AHRR: variants seen among roughly 807,000 people sequenced by gnomAD.
The protein encoded by AHRR is ahR repressor.
In AHRR, 28 loss-of-function variants were observed where a neutral mutation model predicts 44.0. The ratio of observed to expected loss-of-function variants is 0.64; its 90% confidence interval spans 0.47 to 0.87. The LOEUF is 0.87. Among genes scored for constraint, AHRR ranks in the 40% least tolerant of loss-of-function variants. AHRR has a pLI of 0.00. For missense variants in AHRR, 990 were observed against 953.9 expected (o/e 1.04, Z -0.50); for synonymous variants, 434 against 407.0 (o/e 1.07, Z -0.80).
intron 1 of AHRR, 71 bp from the exon 2 acceptor site, chr5:343,822 C>A: frequency 1.3e-6 from 2 of 1,499,170 alleles, no homozygotes; most frequent in African/African-American, 1.4e-5. Flanking sequence ...CGCTGAGGGG[C>A]CCGGGGCATC....
intron 2 of AHRR, among the ~76,000 whole-genome samples, chr5:352,761 G>A (rs1326576558): frequency 1.3e-5 from 2 of 151,188 alleles, no homozygotes; most frequent in Non-Finnish European, 3.0e-5. Flanking sequence ...TCAGCTGTAG[G>A]GGATGGTCAC....
chr5:422,476 T>C, intron 5 of AHRR: 1 of 513,112 alleles, frequency 1.9e-6, no homozygotes, highest in Non-Finnish European at 3.5e-6. Context: ...AGCCTCCCGC[T>C]TGCCCCGAAA....
rs550769149 is a variant in AHRR, at chr5:430,345, C to T, written c.909-2118C>T. Among the ~76,000 whole-genome samples, 5 of 152,336 alleles carry T rather than the reference C, an allele frequency of 3.3e-5. No individual in the cohort carries two copies. In the South Asian group the frequency reaches 8.3e-4, roughly 25 times the overall value. ...GCAGCACATCTTCTGTATTCACACC[C>T]GTGCCCTCCGTGGGAGCACCAGGAC... On this transcript the variant is annotated intron_variant, in intron 8 of 10. Transcript: ENST00000684583.
At chr5:361,101 T>C (rs975725180) in intron 3 of AHRR, among the ~76,000 whole-genome samples, 3 of 151,954 alleles carry the variant, frequency 2.0e-5, no homozygotes, top group Non-Finnish European at 4.4e-5. Context: ...ATATAAAAAT[T>C]AGCCAGGCAT....
intron 10 of AHRR, 131 bp from the exon 11 acceptor site, chr5:433,722 G>T: frequency 9.2e-7 from 1 of 1,087,736 alleles, no homozygotes. Context: ...GCGCAGTGAG[G>T]GGTCGGTGTA....
At position 404,838 on chromosome 5, in the gene AHRR, A is replaced by G. The variant is rs1295366960; in HGVS notation, c.352-8506A>G. ...TGGTGAGATGATTATCCAGCTTGCT[A>G]ATCTGCCAGCGGGCACCACCTGCCA... On this transcript the variant is annotated intron_variant, in intron 4 of 10. Coordinates refer to ENST00000684583, the MANE Select transcript of AHRR (RefSeq NM_001377236.1). The surrounding 1 kb of genome is among the most constrained non-coding windows in gnomAD (Gnocchi z 4.1). Among the ~76,000 whole-genome samples, 3 of 152,186 alleles carry G rather than the reference A, an allele frequency of 2.0e-5. No homozygotes were observed. The highest frequency in any genetic ancestry group is 2.4e-5 in the African/African-American group (1 of 41,454).
At chr5:353,951 G>C (rs1410596715) in intron 3 of AHRR, 40 bp downstream of exon 3, 2 of 1,581,494 alleles carry the variant, frequency 1.3e-6, no homozygotes, top group East Asian at 2.2e-5. Flanking sequence ...ACTTGAGTCA[G>C]GCTGTGTCTC....
chr5:327,400 C>G (rs1741749973), intron 1 of AHRR, among the ~76,000 whole-genome samples: 2 of 152,220 alleles, frequency 1.3e-5, no homozygotes, highest in Admixed American at 1.3e-4. Context: ...CCTTCCAGGT[C>G]TCTGTCATCC....
chr5:402,947 AGTTCTGC>A (rs1420490207), intron 4 of AHRR, among the ~76,000 whole-genome samples: 1 of 151,956 alleles, frequency 6.6e-6, no homozygotes, highest in African/African-American at 2.4e-5. Flanking sequence ...ATGCACAGAC[AGTTCTGC>A]GTGATCTCAC....
In AHRR at chr5:345,334, GGAT is replaced by G. The variant is rs1742607067; in HGVS notation, c.62+1372_62+1374del. ...GGGATGTGTGTGTGTGTGTGTGTGG[GGAT>G]GTGTGTGTGTGTGTGTCGGATGATG... On this transcript the variant is annotated intron_variant, in intron 2 of 10. Coordinates refer to ENST00000684583, the MANE Select transcript of AHRR (RefSeq NM_001377236.1). Among the ~76,000 whole-genome samples the G allele has an allele frequency of 4.5e-3, 133 of 29,752 alleles. 6 individuals carry two copies. Among genetic ancestry groups the G allele is most frequent in the Non-Finnish European group, 7.9e-3 (101 of 12,798 alleles). The allele number at this position is 29,752 out of a possible 152,430, so 19.5% of individuals were successfully genotyped here.
chr5:364,487 G>T (rs1203140071), intron 3 of AHRR, among the ~76,000 whole-genome samples: 2 of 152,090 alleles, frequency 1.3e-5, no homozygotes, highest in Non-Finnish European at 2.9e-5. Context: ...TTGGAGGATG[G>T]TTATCTAATT....
chr5:406,980 T>C lies in AHRR; in HGVS notation c.352-6364T>C, dbSNP rs531947678. Among the ~76,000 whole-genome samples, 1 of 152,352 alleles carries C rather than the reference T, an allele frequency of 6.6e-6. No homozygotes were observed. Among genetic ancestry groups the C allele is most frequent in the South Asian group, 2.1e-4 (1 of 4,822 alleles). ...GTGATTTGAGGTGACACCTTTTTCA[T>C]GCATCAAATTTCCATTTGCGCTTGG... On this transcript the variant is annotated intron_variant, in intron 4 of 10. Transcript: ENST00000684583. The surrounding 1 kb of genome is among the most constrained non-coding windows in gnomAD (Gnocchi z 4.7).
intron 1 of AHRR, among the ~76,000 whole-genome samples, chr5:335,151 C>T (rs1383522503): frequency 6.6e-6 from 1 of 152,060 alleles, no homozygotes; most frequent in Non-Finnish European, 1.5e-5. Context: ...GTTGGCAGTA[C>T]CAGGCAGGCT....
intron 4 of AHRR, among the ~76,000 whole-genome samples, chr5:385,975 G>A (rs1298657370): frequency 6.6e-6 from 1 of 151,762 alleles, no homozygotes; most frequent in African/African-American, 2.4e-5. Context: ...TCTTTTCTCT[G>A]TCGCCTCCAT....
intron 7 of AHRR, among the ~76,000 whole-genome samples, chr5:425,217 C>G (rs1284770708): frequency 6.6e-6 from 1 of 152,250 alleles, no homozygotes; most frequent in Admixed American, 6.5e-5. Context: ...CCACTGGGTG[C>G]CTGGTGGAAG....
Position 376,728 on chromosome 5 carries a change from C to T in AHRR, c.351+12C>T, listed in dbSNP as rs780707454. 3 of 1,594,480 alleles carry T rather than the reference C, an allele frequency of 1.9e-6. No homozygotes were observed. The highest frequency in any genetic ancestry group is 1.1e-5 in the South Asian group (1 of 88,188). On this transcript the variant is annotated intron_variant, in intron 4 of 10. Coordinates refer to ENST00000684583, the MANE Select transcript of AHRR (RefSeq NM_001377236.1). ...GGCTGCTGTTGGAGGTGAGTGCCAC[C>T]CTTGGTACCTCGAACACTTGACACT...
intron 2 of AHRR, among the ~76,000 whole-genome samples, chr5:349,371 A>G (rs959238443): frequency 6.6e-6 from 1 of 152,170 alleles, no homozygotes; most frequent in Admixed American, 6.5e-5. Context: ...AGGTCAGGAG[A>G]TCGAGACCAT....
chr5:415,276 C>T (rs571108738), intron 5 of AHRR, among the ~76,000 whole-genome samples: 42 of 152,136 alleles, frequency 2.8e-4, no homozygotes, highest in Admixed American at 3.9e-4. Flanking sequence ...AGGCAGCACA[C>T]GGTGATTAAA....
intron 1 of AHRR, among the ~76,000 whole-genome samples, chr5:323,193 G>A (rs979542003): frequency 6.6e-6 from 1 of 152,238 alleles, no homozygotes; most frequent in African/African-American, 2.4e-5. Flanking sequence ...CTGTGTCCCA[G>A]GCAGAGAAGA....
Sources: allele counts gnomAD v4.1 joint callset (sites outside exome capture counted in the v4.1 genomes callset), GRCh38; gene constraint gnomAD v4.1.1; non-coding constraint Gnocchi (gnomAD v3.1); transcripts MANE v1.5; gene names NCBI Gene and HGNC (gene_info 2026-07-23, HGNC 2026-07-21).